PXDNL: variants seen among roughly 807,000 people sequenced by gnomAD.
PXDNL encodes the protein probable oxidoreductase PXDNL.
A neutral mutation model predicts 150.8 loss-of-function variants in PXDNL; 145 were observed. That is an observed-to-expected ratio of 0.96 (90% CI 0.84 to 1.10). The LOEUF is 1.10. Ranked by LOEUF, PXDNL falls within the 50% of genes least tolerant of loss-of-function variation. PXDNL has a pLI of 0.00. For synonymous variants in PXDNL, 757 were observed against 725.7 expected (o/e 1.04, Z -0.69); for missense variants, 2,087 against 1,873.9 (o/e 1.11, Z -2.10).
At position 51,543,065 on chromosome 8, in the gene PXDNL, T is replaced by C. The variant is rs141113996; in HGVS notation, c.380+13775A>G. ...CTGCTCTTACCAAATGTTTCATACATTACCTCTAGATTTCAGAGCCAGCCT... is the reference window on the plus strand; with the variant it reads ...CTGCTCTTACCAAATGTTTCATACACTACCTCTAGATTTCAGAGCCAGCCT... On this transcript the variant is annotated intron_variant, in intron 4 of 22. Transcript: ENST00000356297. Among the ~76,000 whole-genome samples, 10 of 152,304 alleles carry C rather than the reference T, an allele frequency of 6.6e-5. No homozygotes were observed. The East Asian group carries it at 1.9e-3, about 29-fold the overall frequency.
intron 1 of PXDNL, among the ~76,000 whole-genome samples, chr8:51,731,671 C>A (rs569613315): frequency 6.6e-6 from 1 of 152,328 alleles, no homozygotes; most frequent in African/African-American, 2.4e-5. Context: ...GCCTGGACAC[C>A]CAGGCATTTT....
At chr8:51,491,597 C>G (rs1810896991) in intron 5 of PXDNL, among the ~76,000 whole-genome samples, 1 of 152,176 alleles carries the variant, frequency 6.6e-6, no homozygotes, top group African/African-American at 2.4e-5. Flanking sequence ...CAAACCCCAC[C>G]ACCACTGCCA....
At chr8:51,582,166 G>C (rs1165829464) in intron 3 of PXDNL, among the ~76,000 whole-genome samples, 1 of 152,108 alleles carries the variant, frequency 6.6e-6, no homozygotes, top group East Asian at 1.9e-4. Flanking sequence ...TTATAAAATA[G>C]AGTTAATGAG....
At chr8:51,558,964 G>A (rs1349899194) in intron 3 of PXDNL, among the ~76,000 whole-genome samples, 1 of 151,914 alleles carries the variant, frequency 6.6e-6, no homozygotes, top group African/African-American at 2.4e-5. Flanking sequence ...ATGAGTTCTG[G>A]GCTGGGGTTT....
intron 14 of PXDNL, among the ~76,000 whole-genome samples, chr8:51,419,179 C>G (rs1185029806): frequency 6.6e-6 from 1 of 152,152 alleles, no homozygotes; most frequent in East Asian, 1.9e-4. Context: ...AGACACTTAC[C>G]TAGGAATTTC....
chr8:51,567,238 CTG>C (rs888506187), intron 3 of PXDNL, among the ~76,000 whole-genome samples: 81 of 151,662 alleles, frequency 5.3e-4, no homozygotes, highest in African/African-American at 1.9e-3. Context: ...CTTGAGAAGA[CTG>C]TGTATTTCTG....
chr8:51,415,794 A>T (rs1411970512), intron 14 of PXDNL, among the ~76,000 whole-genome samples: 2 of 152,150 alleles, frequency 1.3e-5, no homozygotes, highest in Non-Finnish European at 2.9e-5. Flanking sequence ...GATGTAGTAT[A>T]GTTGTTACAT....
chr8:51,417,624 T>C (rs1439858004), intron 14 of PXDNL, among the ~76,000 whole-genome samples: 1 of 152,168 alleles, frequency 6.6e-6, no homozygotes, highest in African/African-American at 2.4e-5. Context: ...TCCCCCTTTT[T>C]CCCCCTGGGG....
At chr8:51,530,172 A>T (rs115575940) in intron 4 of PXDNL, among the ~76,000 whole-genome samples, 3,664 of 152,268 alleles carry the variant, frequency 0.024, 132 homozygotes, top group African/African-American at 0.084. Flanking sequence ...TTGGGAGACC[A>T]ATATTTGAGA....
chr8:51,482,952 C>T (rs1810636037), intron 6 of PXDNL, among the ~76,000 whole-genome samples: 1 of 152,110 alleles, frequency 6.6e-6, no homozygotes, highest in South Asian at 2.1e-4. Context: ...CTCTGACTGA[C>T]ATCTGGGAAG....
chr8:51,464,150 G>T (rs879749549), intron 8 of PXDNL, among the ~76,000 whole-genome samples: 3 of 152,094 alleles, frequency 2.0e-5, no homozygotes, highest in Admixed American at 2.0e-4. Flanking sequence ...GACTTTTTAA[G>T]CCCAGGAGTT....
At chr8:51,527,175 G>C (rs1359842115) in intron 4 of PXDNL, among the ~76,000 whole-genome samples, 1 of 152,128 alleles carries the variant, frequency 6.6e-6, no homozygotes, top group Non-Finnish European at 1.5e-5. Context: ...CTGTCCTCCT[G>C]ATCAGCCAGA....
At chr8:51,756,137 T>A (rs958970154) in intron 1 of PXDNL, among the ~76,000 whole-genome samples, 3 of 152,140 alleles carry the variant, frequency 2.0e-5, no homozygotes, top group African/African-American at 7.2e-5. Flanking sequence ...CTCACCCCTG[T>A]CATCCCAGCA....
chr8:51,387,803 CTGAGA>C (rs1807766005), intron 17 of PXDNL, among the ~76,000 whole-genome samples: 1 of 152,144 alleles, frequency 6.6e-6, no homozygotes. Flanking sequence ...TTGGTATACT[CTGAGA>C]TGACTGAATG....
chr8:51,358,147 G>C (rs1189036308), intron 19 of PXDNL, among the ~76,000 whole-genome samples: 1 of 152,154 alleles, frequency 6.6e-6, no homozygotes, highest in Non-Finnish European at 1.5e-5. Context: ...ATTATGATAA[G>C]TTTCATCTTA....
intron 2 of PXDNL, among the ~76,000 whole-genome samples, chr8:51,608,707 G>T (rs549262095): frequency 5.3e-5 from 8 of 150,998 alleles, no homozygotes; most frequent in Non-Finnish European, 1.0e-4. Flanking sequence ...CGTGGTGGTG[G>T]GTGCCTGTAG....
At chr8:51,354,101 T>C (rs1411406925) in intron 19 of PXDNL, among the ~76,000 whole-genome samples, 1 of 152,138 alleles carries the variant, frequency 6.6e-6, no homozygotes, top group African/African-American at 2.4e-5. Flanking sequence ...CTCCACATTG[T>C]TGGTTTTCCC....
At chr8:51,780,139 G>A (rs1315476407) in intron 1 of PXDNL, among the ~76,000 whole-genome samples, 1 of 152,086 alleles carries the variant, frequency 6.6e-6, no homozygotes, top group Non-Finnish European at 1.5e-5. Flanking sequence ...TTGAATTCAG[G>A]AGGTAGAGGT....
intron 17 of PXDNL, among the ~76,000 whole-genome samples, chr8:51,398,719 G>A (rs1216438457): frequency 6.6e-6 from 1 of 152,146 alleles, no homozygotes; most frequent in Non-Finnish European, 1.5e-5. Flanking sequence ...ATGCAAGGCG[G>A]AATCACAGTA....
Sources: allele counts gnomAD v4.1 joint callset (sites outside exome capture counted in the v4.1 genomes callset), GRCh38; gene constraint gnomAD v4.1.1; transcripts MANE v1.5; gene names NCBI Gene and HGNC (gene_info 2026-07-23, HGNC 2026-07-21).